MTREX: variants seen among roughly 807,000 people sequenced by gnomAD.
MTREX encodes exosome RNA helicase MTR4.
In MTREX, 76 loss-of-function variants were observed where a neutral mutation model predicts 135.4. The observed-to-expected ratio is 0.56, with a 90% confidence interval of 0.47 to 0.68. MTREX has a LOEUF of 0.68. Among genes scored for constraint, MTREX ranks in the 30% least tolerant of loss-of-function variants. MTREX has a pLI of 0.00. For missense variants in MTREX, 920 were observed against 1,262.1 expected (o/e 0.73, Z 4.11); for synonymous variants, 404 against 401.6 (o/e 1.01, Z -0.07).
Position 55,326,893 on chromosome 5 carries a change from C to T in MTREX, c.340-823C>T, listed in dbSNP as rs556134406. ...GCCCCGGTTTGTGATGTTCCCTGCCCTGTGTCCATGTGTTCTCATTGTTCA... is the reference window on the plus strand; with the variant it reads ...GCCCCGGTTTGTGATGTTCCCTGCCTTGTGTCCATGTGTTCTCATTGTTCA... On this transcript the variant is annotated intron_variant, in intron 3 of 26. Coordinates refer to ENST00000230640, the MANE Select transcript of MTREX (RefSeq NM_015360.5). Among the ~76,000 whole-genome samples, 87 of 152,188 alleles carry T rather than the reference C, an allele frequency of 5.7e-4. 1 individual carries two copies. The highest frequency in any genetic ancestry group is 5.4e-3 in the Admixed American group (82 of 15,282).
chr5:55,347,791 G>A (rs1422321759), intron 11 of MTREX, among the ~76,000 whole-genome samples: 1 of 152,156 alleles, frequency 6.6e-6, no homozygotes, highest in Non-Finnish European at 1.5e-5. Context: ...AAGAAAATAG[G>A]TTTAATGGAC....
intron 1 of MTREX, 61 bp from the exon 2 acceptor site, chr5:55,322,266 A>G (rs1579847690): frequency 7.0e-7 from 1 of 1,429,266 alleles, no homozygotes; most frequent in Non-Finnish European, 9.5e-7. Context: ...GTATTTTATG[A>G]TGTTGCCCTT....
Position 55,425,477 on chromosome 5 carries a change from C to G in MTREX, c.*705C>G. 1.4e-5 allele frequency: 10 copies of G among 722,998 alleles called. No homozygotes were observed. Among genetic ancestry groups the G allele is most frequent in the Non-Finnish European group, 2.0e-5 (10 of 488,460 alleles). The allele number at this position is 722,998 out of a possible 1,614,324, so 44.8% of individuals were successfully genotyped here. ...GATTAAGCATATAAAAAATTAGAGA[C>G]TAACTGGGATTTTTTAAAGATTATT... On this transcript the variant is annotated 3_prime_UTR_variant, in exon 27 of 27. Transcript: ENST00000230640.
intron 11 of MTREX, among the ~76,000 whole-genome samples, chr5:55,348,540 A>G (rs1749775422): frequency 6.6e-6 from 1 of 152,204 alleles, no homozygotes; most frequent in Admixed American, 6.5e-5. Context: ...TAAGCCATCC[A>G]AATTTAAATT....
In MTREX at chr5:55,410,508, T is replaced by C; in HGVS notation, c.2646-16T>C. ...TTTATATTCTGACATTTTATTCTTT[T>C]GTTTTGCCATTGTAGTGCTGATGAG... On this transcript the variant is annotated splice_polypyrimidine_tract_variant and intron_variant, in intron 22 of 26. Coordinates refer to ENST00000230640, the MANE Select transcript of MTREX (RefSeq NM_015360.5). 1.3e-6 allele frequency: 2 copies of C among 1,542,586 alleles called. No individual in the cohort carries two copies. The highest frequency in any genetic ancestry group is 1.8e-6 in the Non-Finnish European group (2 of 1,120,650).
chr5:55,417,293 A>G (rs887560521), intron 25 of MTREX, among the ~76,000 whole-genome samples: 13 of 152,168 alleles, frequency 8.5e-5, no homozygotes, highest in Non-Finnish European at 1.2e-4. Context: ...TGTATAATTT[A>G]CATGTAATCA....
Position 55,409,324 on chromosome 5 carries a change from G to A in MTREX, c.2646-1200G>A, listed in dbSNP as rs139364849. On this transcript the variant is annotated intron_variant, in intron 22 of 26. Transcript: ENST00000230640. ...AACAGAAAGGGCCTAGTTATGTAACGTCTATGATAAGAACCTGGACCATCT... is the reference window on the plus strand; with the variant it reads ...AACAGAAAGGGCCTAGTTATGTAACATCTATGATAAGAACCTGGACCATCT... Among the ~76,000 whole-genome samples the A allele has an allele frequency of 7.0e-3, 1,061 of 152,170 alleles. 2 individuals carry two copies. Among genetic ancestry groups the A allele is most frequent in the African/African-American group, 9.8e-3 (406 of 41,526 alleles).
intron 9 of MTREX, 106 bp from the exon 10 acceptor site, chr5:55,344,987 CA>C (rs1749706603): frequency 1.5e-6 from 1 of 683,266 alleles, no homozygotes; most frequent in Non-Finnish European, 2.5e-6. Context: ...TAGTGGCTTT[CA>C]TTATTATACT....
At chr5:55,419,207 CTG>C (rs1211160850) in intron 25 of MTREX, among the ~76,000 whole-genome samples, 1 of 152,160 alleles carries the variant, frequency 6.6e-6, no homozygotes, top group African/African-American at 2.4e-5. Flanking sequence ...TACAGTGTGT[CTG>C]TTTTTACAGG....
At chr5:55,341,085 G>A (rs1414236549) in intron 6 of MTREX, among the ~76,000 whole-genome samples, 4 of 152,104 alleles carry the variant, frequency 2.6e-5, no homozygotes. Context: ...TTCTGATTTG[G>A]AGAACCAGCC....
At chr5:55,424,443 C>A in intron 26 of MTREX, 1 of 245,920 alleles carries the variant, frequency 4.1e-6, no homozygotes, top group Non-Finnish European at 7.9e-6. Flanking sequence ...CTGCGCCCGA[C>A]CTAGCATTTA....
intron 17 of MTREX, 26 bp downstream of exon 17, chr5:55,378,512 A>G (rs1158429184): frequency 6.3e-7 from 1 of 1,575,780 alleles, no homozygotes; most frequent in African/African-American, 1.4e-5. Flanking sequence ...TTCATAAAAT[A>G]CTTGAATAAT....
intron 5 of MTREX, chr5:55,329,378 T>C (rs7710395): frequency 0.14 from 20,573 of 151,808 alleles, 1,716 homozygotes; most frequent in East Asian, 0.26. Flanking sequence ...GTCTCAAACT[T>C]AAATAGGCTG....
intron 3 of MTREX, among the ~76,000 whole-genome samples, chr5:55,326,393 CTG>C (rs1749378559): frequency 6.6e-6 from 1 of 151,972 alleles, no homozygotes; most frequent in African/African-American, 2.4e-5. Flanking sequence ...GAGTGAGACT[CTG>C]TCTCAAAAAA....
intron 21 of MTREX, among the ~76,000 whole-genome samples, chr5:55,402,741 T>G (rs1750740958): frequency 6.6e-6 from 1 of 151,754 alleles, no homozygotes; most frequent in African/African-American, 2.4e-5. Context: ...TTTTTTTTTC[T>G]TTTCCTGCCC....
At position 55,359,123 on chromosome 5, in the gene MTREX, A is replaced by G. The variant is rs568678509; in HGVS notation, c.1659+425A>G. Among the ~76,000 whole-genome samples the G allele has an allele frequency of 2.0e-5, 3 of 152,318 alleles. No individual in the cohort carries two copies. In the South Asian group the frequency reaches 6.2e-4, roughly 32 times the overall value. On this transcript the variant is annotated intron_variant, in intron 15 of 26. Transcript: ENST00000230640. Reference sequence around the variant, plus strand: ...GATAGCTTAATAGGTTAATTCAGCAATCTGCGTTTACACTTTACCCTATTG... The same window carrying G: ...GATAGCTTAATAGGTTAATTCAGCAGTCTGCGTTTACACTTTACCCTATTG...
chr5:55,422,543 C>G (rs907331812), intron 25 of MTREX, among the ~76,000 whole-genome samples: 2 of 152,146 alleles, frequency 1.3e-5, no homozygotes, highest in African/African-American at 4.8e-5. Flanking sequence ...TTGCTGCTGC[C>G]TGAGAGATAC....
At chr5:55,402,551 G>A (rs773507614) in intron 21 of MTREX, among the ~76,000 whole-genome samples, 11 of 152,164 alleles carry the variant, frequency 7.2e-5, no homozygotes, top group Non-Finnish European at 1.5e-4. Context: ...GCTAAATAAA[G>A]TTGTTATGGA....
intron 19 of MTREX, among the ~76,000 whole-genome samples, chr5:55,390,503 G>T (rs1386611659): frequency 6.6e-6 from 1 of 152,060 alleles, no homozygotes; most frequent in African/African-American, 2.4e-5. Flanking sequence ...TGTGTAGAGG[G>T]CAAGAGCACT....
Sources: gnomAD v4.1 joint callset for allele counts (sites outside exome capture counted in the v4.1 genomes callset) on GRCh38, gnomAD v4.1.1 for gene constraint, MANE v1.5 for transcripts, NCBI Gene and HGNC (gene_info 2026-07-23, HGNC 2026-07-21) for gene names.